The following CNGB3 variants were observed in gnomAD, a reference collection of about 807,000 sequenced individuals.
CNGB3 encodes the protein cyclic nucleotide-gated channel beta-3.
Under a neutral mutation model 92.8 loss-of-function variants are expected in CNGB3, and 86 were observed. That is an observed-to-expected ratio of 0.93 (90% CI 0.78 to 1.11). The LOEUF is 1.11. Among genes scored for constraint, CNGB3 ranks in the 50% least tolerant of loss-of-function variants. CNGB3 has a pLI of 0.00. For synonymous variants in CNGB3, 333 were observed against 332.7 expected (o/e 1.00, Z -0.01); for missense variants, 1,026 against 956.8 (o/e 1.07, Z -0.95).
intron 3 of CNGB3, among the ~76,000 whole-genome samples, chr8:86,689,568 ATTTT>A (rs1284827046): frequency 6.9e-6 from 1 of 144,760 alleles, no homozygotes. Context: ...TTTTATTTTT[ATTTT>A]TTATTATACT....
intron 6 of CNGB3, chr8:86,660,550 A>G: frequency 1.9e-6 from 1 of 534,122 alleles, no homozygotes; most frequent in Non-Finnish European, 3.8e-6. Flanking sequence ...GTACAATGGA[A>G]TTATAGGATT....
intron 15 of CNGB3, among the ~76,000 whole-genome samples, chr8:86,580,466 C>G (rs1198457994): frequency 6.6e-6 from 1 of 152,182 alleles, no homozygotes; most frequent in Non-Finnish European, 1.5e-5. Context: ...TTCATGATGC[C>G]CTGGTCACCT....
At chr8:86,691,901 C>G (rs1021038730) in intron 3 of CNGB3, among the ~76,000 whole-genome samples, 1 of 151,972 alleles carries the variant, frequency 6.6e-6, no homozygotes, top group African/African-American at 2.4e-5. Flanking sequence ...TTTGCTGTAT[C>G]CAAGAGGTTT....
At chr8:86,721,467 T>A (rs561160444) in intron 3 of CNGB3, among the ~76,000 whole-genome samples, 1 of 152,246 alleles carries the variant, frequency 6.6e-6, no homozygotes, top group South Asian at 2.1e-4. Context: ...TACAGTGTTC[T>A]CTGCTCAGGA....
intron 3 of CNGB3, among the ~76,000 whole-genome samples, chr8:86,682,521 G>A (rs1027523306): frequency 2.6e-5 from 4 of 152,138 alleles, no homozygotes; most frequent in Non-Finnish European, 1.5e-5. Context: ...GTGTTTCTGA[G>A]GTTGATTTGT....
intron 3 of CNGB3, among the ~76,000 whole-genome samples, chr8:86,710,586 C>T (rs1299589154): frequency 2.0e-5 from 3 of 152,198 alleles, no homozygotes; most frequent in Non-Finnish European, 2.9e-5. Flanking sequence ...TTCAAATAGA[C>T]TCAACCAGAC....
intron 13 of CNGB3, among the ~76,000 whole-genome samples, chr8:86,614,039 C>G (rs1297184233): frequency 6.6e-6 from 1 of 150,806 alleles, no homozygotes; most frequent in Admixed American, 6.6e-5. Context: ...TACACACACA[C>G]AAATATGTGT....
At chr8:86,623,192 A>T (rs1482529034) in intron 13 of CNGB3, among the ~76,000 whole-genome samples, 1 of 152,138 alleles carries the variant, frequency 6.6e-6, no homozygotes, top group Non-Finnish European at 1.5e-5. Flanking sequence ...GACAGGTCCA[A>T]ATGGATTGCT....
chr8:86,607,729 A>G (rs1822438342), intron 14 of CNGB3, among the ~76,000 whole-genome samples: 1 of 152,198 alleles, frequency 6.6e-6, no homozygotes, highest in Admixed American at 6.5e-5. Flanking sequence ...CACTCTTTCA[A>G]CCAGCCCAAG....
intron 11 of CNGB3, among the ~76,000 whole-genome samples, chr8:86,631,386 A>G (rs1273994879): frequency 6.6e-6 from 1 of 152,152 alleles, no homozygotes; most frequent in Non-Finnish European, 1.5e-5. Context: ...AGTGCTCAAT[A>G]CATGTTAAAT....
chr8:86,640,786 A>T (rs1420378162), intron 10 of CNGB3, among the ~76,000 whole-genome samples: 1 of 152,080 alleles, frequency 6.6e-6, no homozygotes, highest in Admixed American at 6.6e-5. Flanking sequence ...TTTGTTTTAA[A>T]GCTTATTTTG....
chr8:86,587,456 T>G (rs1239352524), intron 15 of CNGB3, among the ~76,000 whole-genome samples: 1 of 152,174 alleles, frequency 6.6e-6, no homozygotes, highest in Non-Finnish European at 1.5e-5. Context: ...TCTTCTAGGG[T>G]TTTGATGGTT....
At chr8:86,590,436 G>A (rs1822002447) in intron 15 of CNGB3, among the ~76,000 whole-genome samples, 1 of 152,078 alleles carries the variant, frequency 6.6e-6, no homozygotes, top group Admixed American at 6.6e-5. Flanking sequence ...TCCTAGTCTC[G>A]ATGGTCTTTA....
intron 10 of CNGB3, among the ~76,000 whole-genome samples, chr8:86,637,234 A>G (rs1823089586): frequency 1.3e-5 from 2 of 152,148 alleles, no homozygotes; most frequent in African/African-American, 4.8e-5. Context: ...TCCTCATTGC[A>G]TATCCTTAGC....
chr8:86,584,745 G>A lies in CNGB3; in HGVS notation c.1782-5493C>T, dbSNP rs78436061. The stretch of plus-strand genomic sequence containing the variant: ...GTTTCCCTAGGTAAAAATAGAGTGA[G>A]CAGAGCAATGGACCAGGAAACAAAG... On this transcript the variant is annotated intron_variant, in intron 15 of 17. Coordinates refer to ENST00000320005, the MANE Select transcript of CNGB3 (RefSeq NM_019098.5). 1.6e-3 allele frequency among the ~76,000 whole-genome samples: 239 copies of A among 152,262 alleles called. 4 individuals carry two copies. The East Asian group carries it at 0.041, about 26-fold the overall frequency.
At chr8:86,699,629 T>A (rs2131645778) in intron 3 of CNGB3, among the ~76,000 whole-genome samples, 1 of 152,300 alleles carries the variant, frequency 6.6e-6, no homozygotes, top group East Asian at 1.9e-4. Context: ...TCCACAACAA[T>A]CAATAAAAGG....
In CNGB3 at chr8:86,594,105, C is replaced by A. The variant is rs1444496441; in HGVS notation, c.1781+9988G>T. ...CAGGATCCTGGAGGTCGGGATTGTC[C>A]TGAAAAGTGGACTTACAAAACCACG... is the stretch of plus-strand genomic sequence containing the variant. On this transcript the variant is annotated intron_variant, in intron 15 of 17. Coordinates refer to ENST00000320005, the MANE Select transcript of CNGB3 (RefSeq NM_019098.5). 6.8e-5 allele frequency: 21 copies of A among 307,698 alleles called. No homozygotes were observed. The East Asian group carries it at 1.7e-3, about 25-fold the overall frequency. The allele number at this position is 307,698 out of a possible 1,614,324, so 19.1% of individuals were successfully genotyped here.
intron 3 of CNGB3, among the ~76,000 whole-genome samples, chr8:86,673,824 T>G (rs1000236314): frequency 4.6e-5 from 7 of 152,180 alleles, no homozygotes; most frequent in African/African-American, 1.2e-4. Context: ...GTTTGAGGTG[T>G]TTGTAGGACC....
intron 14 of CNGB3, among the ~76,000 whole-genome samples, chr8:86,605,429 T>C (rs573586079): frequency 6.6e-6 from 1 of 152,226 alleles, no homozygotes; most frequent in African/African-American, 2.4e-5. Flanking sequence ...CATGTCTGAA[T>C]GAGCAGTGCC....
Sources: allele counts gnomAD v4.1 joint callset (sites outside exome capture counted in the v4.1 genomes callset), GRCh38; gene constraint gnomAD v4.1.1; transcripts MANE v1.5; gene names NCBI Gene and HGNC (gene_info 2026-07-23, HGNC 2026-07-21).